The following NELL2 variants were observed in gnomAD, a reference collection of about 807,000 sequenced individuals.
The protein encoded by NELL2 is neural EGFL like 2.
In NELL2, 41 loss-of-function variants were observed where a neutral mutation model predicts 109.6. That is an observed-to-expected ratio of 0.37 (90% CI 0.29 to 0.49). The LOEUF (loss-of-function observed/expected upper bound fraction) is 0.49, where lower values mean the gene tolerates loss of function less well. NELL2 is among the 20% of genes least tolerant of loss of function. The pLI is 0.98. For missense variants in NELL2, 900 were observed against 1,008.3 expected (o/e 0.89, Z 1.45); for synonymous variants, 355 against 344.7 (o/e 1.03, Z -0.33).
At chr12:44,541,250 C>CAAAAAAAAAAAA (rs3071951) in intron 15 of NELL2, among the ~76,000 whole-genome samples, 13 of 78,764 alleles carry the variant, frequency 1.7e-4, no homozygotes, top group Middle Eastern at 8.5e-3. Context: ...GACTCCATCT[C>CAAAAAAAAAAAA]AAAAAAAAAA....
chr12:44,758,706 C>T (rs1394933448), intron 9 of NELL2, among the ~76,000 whole-genome samples: 1 of 152,110 alleles, frequency 6.6e-6, no homozygotes, highest in Admixed American at 6.5e-5. Flanking sequence ...AATATAAACT[C>T]AGTTCAGCTT....
intron 12 of NELL2, among the ~76,000 whole-genome samples, chr12:44,682,189 T>G (rs976303032): frequency 9.3e-5 from 14 of 150,408 alleles, no homozygotes; most frequent in Non-Finnish European, 8.8e-5. Context: ...CATTTTTTCA[T>G]GTGTTTTTTG....
intron 16 of NELL2, among the ~76,000 whole-genome samples, chr12:44,530,870 G>C (rs1465316918): frequency 6.6e-6 from 1 of 152,158 alleles, no homozygotes; most frequent in African/African-American, 2.4e-5. Context: ...CTGAACCGGA[G>C]CCACCCAGCT....
At chr12:44,832,664 C>T (rs1943923950) in intron 2 of NELL2, among the ~76,000 whole-genome samples, 1 of 152,178 alleles carries the variant, frequency 6.6e-6, no homozygotes, top group African/African-American at 2.4e-5. Context: ...CTTGGCATTG[C>T]CACCTATTTT....
At chr12:44,708,337 C>T (rs1276314571) in intron 11 of NELL2, among the ~76,000 whole-genome samples, 2 of 152,160 alleles carry the variant, frequency 1.3e-5, no homozygotes, top group Non-Finnish European at 2.9e-5. Context: ...AGCCTGACTT[C>T]GGTGTGTAGC....
chr12:44,872,342 G>T (rs1359050916), intron 2 of NELL2, among the ~76,000 whole-genome samples: 1 of 152,024 alleles, frequency 6.6e-6, no homozygotes, highest in African/African-American at 2.4e-5. Context: ...ATCTAATTTA[G>T]CATCTTATTA....
intron 13 of NELL2, 62 bp downstream of exon 13, chr12:44,665,422 A>C (rs753152140): frequency 6.8e-7 from 1 of 1,460,678 alleles, no homozygotes; most frequent in Non-Finnish European, 9.2e-7. Context: ...AGAGTCAAAG[A>C]AATTTTTAAA....
chr12:44,751,967 A>C (rs1244310364), intron 9 of NELL2, among the ~76,000 whole-genome samples: 1 of 152,146 alleles, frequency 6.6e-6, no homozygotes, highest in East Asian at 1.9e-4. Flanking sequence ...AAAAAAAAAA[A>C]AGTCACAAAA....
At position 44,570,536 on chromosome 12, in the gene NELL2, A is replaced by T. The variant is rs562660634; in HGVS notation, c.1663+36633T>A. Among the ~76,000 whole-genome samples the T allele has an allele frequency of 2.6e-5, 4 of 152,242 alleles. No individual in the cohort carries two copies. The South Asian group carries it at 8.3e-4, about 32-fold the overall frequency. ...TGGATGTATGCATCAATCCTTTTTT[A>T]AAAAAACTTGTTTGGATTTTCCTAT... On this transcript the variant is annotated intron_variant, in intron 15 of 19. Transcript: ENST00000429094.
intron 2 of NELL2, among the ~76,000 whole-genome samples, chr12:44,848,222 G>A (rs1161185684): frequency 6.6e-6 from 1 of 152,048 alleles, no homozygotes; most frequent in Non-Finnish European, 1.5e-5. Flanking sequence ...TTTGGCTGGG[G>A]ACCTTGCCAG....
chr12:44,647,901 CA>C lies in NELL2; in HGVS notation c.1444+17582del, dbSNP rs548160379. Among the ~76,000 whole-genome samples the C allele has an allele frequency of 8.1e-4, 124 of 152,194 alleles. 1 individual carries two copies. Among genetic ancestry groups the C allele is most frequent in the Admixed American group, 3.9e-3 (59 of 15,280 alleles). On this transcript the variant is annotated intron_variant, in intron 13 of 19. Transcript: ENST00000429094. ...GGTAGAAATGTTATGAGATTAATGA[CA>C]AAAAAATATTTTTCAATTGGTTGTC... is the stretch of plus-strand genomic sequence containing the variant.
chr12:44,874,370 T>C (rs1226745763), intron 2 of NELL2, among the ~76,000 whole-genome samples: 1 of 152,214 alleles, frequency 6.6e-6, no homozygotes, highest in Non-Finnish European at 1.5e-5. Context: ...GAATCTAGTC[T>C]GTCTGTACAC....
At chr12:44,716,599 A>T (rs1055093795) in intron 9 of NELL2, among the ~76,000 whole-genome samples, 6 of 152,126 alleles carry the variant, frequency 3.9e-5, no homozygotes, top group Non-Finnish European at 5.9e-5. Context: ...ACCTCAACAT[A>T]CCAAGACCTA....
intron 1 of NELL2, among the ~76,000 whole-genome samples, chr12:44,906,569 G>C (rs890455547): frequency 3.3e-5 from 5 of 152,044 alleles, no homozygotes; most frequent in African/African-American, 1.2e-4. Flanking sequence ...ACTGAATTCA[G>C]AGTAGATAGG....
intron 12 of NELL2, among the ~76,000 whole-genome samples, chr12:44,687,841 A>T (rs1450555): frequency 0.059 from 8,982 of 152,214 alleles, 885 homozygotes; most frequent in African/African-American, 0.2. Context: ...GTGGTGTCTT[A>T]TATGTTACTT....
At chr12:44,550,546 C>CATAAATAAATAAATAA (rs61282621) in intron 15 of NELL2, among the ~76,000 whole-genome samples, 1 of 138,998 alleles carries the variant, frequency 7.2e-6, no homozygotes, top group Non-Finnish European at 1.5e-5. Flanking sequence ...TCCATCTCAA[C>CATAAATAAATAAATAA]ATAAATAAAT....
At chr12:44,741,469 T>A (rs1939956183) in intron 9 of NELL2, among the ~76,000 whole-genome samples, 1 of 152,098 alleles carries the variant, frequency 6.6e-6, no homozygotes, top group Non-Finnish European at 1.5e-5. Context: ...GGACAGTGGG[T>A]GCAGTGCACC....
chr12:44,580,988 T>C (rs1944301633), intron 15 of NELL2, among the ~76,000 whole-genome samples: 1 of 152,212 alleles, frequency 6.6e-6, no homozygotes, highest in Admixed American at 6.5e-5. Context: ...ACATGTTACC[T>C]TCATTTTGAG....
At chr12:44,853,032 C>T (rs1944578926) in intron 2 of NELL2, among the ~76,000 whole-genome samples, 1 of 152,128 alleles carries the variant, frequency 6.6e-6, no homozygotes, top group Non-Finnish European at 1.5e-5. Flanking sequence ...ACTCTGCCTT[C>T]TTTTCTTTCC....
Sources: allele counts gnomAD v4.1 joint callset (sites outside exome capture counted in the v4.1 genomes callset), GRCh38; gene constraint gnomAD v4.1.1; transcripts MANE v1.5; gene names NCBI Gene and HGNC (gene_info 2026-07-23, HGNC 2026-07-21).